Variants in BPIFC observed in about 807,000 individuals in gnomAD.
BPIFC encodes BPI fold-containing family C protein.
Under a neutral mutation model 57.6 loss-of-function variants are expected in BPIFC, and 60 were observed. That is an observed-to-expected ratio of 1.04 (90% CI 0.85 to 1.29). The LOEUF (loss-of-function observed/expected upper bound fraction) is 1.29. BPIFC is among the 50% of genes most tolerant of loss of function. The pLI, the probability that BPIFC is intolerant of heterozygous loss-of-function variation, is 0.00. For missense variants in BPIFC, 581 were observed against 600.5 expected (o/e 0.97, Z 0.34); for synonymous variants, 243 against 224.5 (o/e 1.08, Z -0.74).
intron 7 of BPIFC, among the ~76,000 whole-genome samples, chr22:32,443,168 T>C (rs2145946114): frequency 6.6e-6 from 1 of 151,114 alleles, no homozygotes; most frequent in East Asian, 1.9e-4. Flanking sequence ...GGAGCTTTTT[T>C]TTTTTTTTTT....
intron 13 of BPIFC, among the ~76,000 whole-genome samples, chr22:32,429,426 T>G (rs1200706392): frequency 1.3e-5 from 2 of 151,596 alleles, no homozygotes; most frequent in Non-Finnish European, 2.9e-5. Context: ...CAGGATGGTC[T>G]CGATCTCCTG....
Position 32,457,305 on chromosome 22 carries a change from G to A in BPIFC, c.82C>T (p.Pro28Ser). 4 of 1,607,526 alleles carry A rather than the reference G, an allele frequency of 2.5e-6. No homozygotes were observed. In the South Asian group the frequency reaches 4.4e-5, roughly 18 times the overall value. Residue 28 changes from proline (P) to serine (S), a missense_variant, in exon 3 of 17, where the codon CCT becomes TCT. Coordinates refer to ENST00000300399, the MANE Select transcript of BPIFC (RefSeq NM_174932.3). ...TGAGTAATCCTTGCCTTGATTCCAG[G>A]GTAAATGGTCTGAGAGGATGAGACA... ...LYVSSSQTIY[P>S]GIKARITQRA... is the part of the protein sequence containing the mutation.
At chr22:32,450,013 C>A (rs894134565) in intron 4 of BPIFC, among the ~76,000 whole-genome samples, 1 of 151,374 alleles carries the variant, frequency 6.6e-6, no homozygotes, top group African/African-American at 2.4e-5. Flanking sequence ...GGATTACAAG[C>A]GTGAGCCATC....
intron 8 of BPIFC, among the ~76,000 whole-genome samples, chr22:32,441,127 C>G (rs1377806136): frequency 6.6e-6 from 1 of 152,122 alleles, no homozygotes; most frequent in Non-Finnish European, 1.5e-5. Flanking sequence ...TCACAGCCTC[C>G]CCAGCACACT....
chr22:32,416,013 A>G (rs1322742383), intron 15 of BPIFC, 22 bp from the exon 16 acceptor site: 1 of 1,507,418 alleles, frequency 6.6e-7, no homozygotes, highest in African/African-American at 1.4e-5. Context: ...AACAAGACGT[A>G]AAACAATTGG....
chr22:32,447,228 AC>A lies in BPIFC; in HGVS notation c.357del (p.Phe120SerfsTer27). ...HGTANISTDWGFESPLFQDTG... is the reference protein window; with the variant it reads ...HGTANISTDWXFESPLFQDTG... ...AATACTCACAAAAGTGGAGACTCGA[AC>A]CCCCAGTCTGTGCTGATGTTGGCAG... On this transcript the variant is annotated frameshift_variant, in exon 5 of 17. Transcript: ENST00000300399. LOFTEE classifies it high-confidence loss of function. The A allele has an allele frequency of 6.2e-7, 1 of 1,605,026 alleles. No homozygotes were observed. Among genetic ancestry groups the A allele is most frequent in the Non-Finnish European group, 8.5e-7 (1 of 1,175,640 alleles).
intron 11 of BPIFC, among the ~76,000 whole-genome samples, 165 bp downstream of exon 11, chr22:32,433,549 TTAAAC>T (rs1934304929): frequency 6.6e-6 from 1 of 152,208 alleles, no homozygotes; most frequent in African/African-American, 2.4e-5. Context: ...TAATTGCACT[TTAAAC>T]TGTACTGTTC....
At position 32,430,575 on chromosome 22, in the gene BPIFC, C is replaced by T. The variant is rs1051289825; in HGVS notation, c.1217+772G>A. Among the ~76,000 whole-genome samples the T allele has an allele frequency of 3.4e-5, 5 of 146,938 alleles. No individual in the cohort carries two copies. In the East Asian group the frequency reaches 5.9e-4, roughly 17 times the overall value. ...TATAAATATAAAAATATATTTATTA[C>T]ATATGTAATATTTTATGTATTTAAT... is the stretch of plus-strand genomic sequence containing the variant. On this transcript the variant is annotated intron_variant, in intron 13 of 16. Coordinates refer to ENST00000300399, the MANE Select transcript of BPIFC (RefSeq NM_174932.3).
At chr22:32,431,439 A>ATTTATTTTTTTTTTTTTTTTT in intron 12 of BPIFC, 25 bp from the exon 13 acceptor site, 5 of 1,343,068 alleles carry the variant, frequency 3.7e-6, no homozygotes, top group South Asian at 1.2e-5. Context: ...AGCATTTATT[A>ATTTATTTTTTTTTTTTTTTTT]TTAAGACGAG....
intron 13 of BPIFC, among the ~76,000 whole-genome samples, chr22:32,423,452 C>G (rs1411449992): frequency 6.6e-6 from 1 of 152,022 alleles, no homozygotes; most frequent in Non-Finnish European, 1.5e-5. Flanking sequence ...ACTGACTTGT[C>G]CATCATTGGG....
At chr22:32,455,972 G>C (rs148946836) in intron 3 of BPIFC, among the ~76,000 whole-genome samples, 1 of 152,338 alleles carries the variant, frequency 6.6e-6, no homozygotes, top group South Asian at 2.1e-4. Flanking sequence ...CTCACACTAA[G>C]TGTAGGTAGG....
chr22:32,442,409 C>G (rs149095372), intron 8 of BPIFC, among the ~76,000 whole-genome samples: 1 of 152,084 alleles, frequency 6.6e-6, no homozygotes, highest in African/African-American at 2.4e-5. Context: ...GGTTCGTGCT[C>G]GTGAGGGTTT....
At chr22:32,463,287 G>A (rs1340505969) in intron 1 of BPIFC, among the ~76,000 whole-genome samples, 1 of 152,160 alleles carries the variant, frequency 6.6e-6, no homozygotes, top group East Asian at 1.9e-4. Context: ...GCTGACAAGT[G>A]CAGGCAGGGC....
intron 10 of BPIFC, 68 bp downstream of exon 10, chr22:32,435,636 T>C (rs1319149140): frequency 3.9e-5 from 58 of 1,497,490 alleles, no homozygotes; most frequent in Non-Finnish European, 5.1e-5. Flanking sequence ...ATAAAAGTTC[T>C]ACAATAGGAT....
intron 12 of BPIFC, 68 bp from the exon 13 acceptor site, chr22:32,431,482 C>A: frequency 9.1e-7 from 1 of 1,099,978 alleles, no homozygotes; most frequent in Non-Finnish European, 1.4e-6. Flanking sequence ...GTATAATTTC[C>A]AATAGTTGAA....
intron 10 of BPIFC, among the ~76,000 whole-genome samples, chr22:32,434,436 A>G (rs901617508): frequency 6.0e-5 from 9 of 149,228 alleles, no homozygotes; most frequent in Non-Finnish European, 1.2e-4. Flanking sequence ...ATCTATGTAT[A>G]CATATTATTT....
At chr22:32,447,165 C>A in intron 5 of BPIFC, 47 bp downstream of exon 5, 1 of 1,442,406 alleles carries the variant, frequency 6.9e-7, no homozygotes, top group Non-Finnish European at 9.2e-7. Context: ...TCCGTTTTTG[C>A]TCACATTCTC....
chr22:32,434,330 C>G (rs970775380), intron 10 of BPIFC, among the ~76,000 whole-genome samples: 8 of 147,502 alleles, frequency 5.4e-5, no homozygotes, highest in African/African-American at 2.0e-4. Context: ...ACTCTGTGTA[C>G]ATATTCTTCA....
chr22:32,455,249 C>T (rs1210927231), intron 3 of BPIFC, among the ~76,000 whole-genome samples: 1 of 151,896 alleles, frequency 6.6e-6, no homozygotes, highest in Non-Finnish European at 1.5e-5. Context: ...TCGGGTTTCA[C>T]CATGTTGACC....
Sources: allele counts gnomAD v4.1 joint callset (sites outside exome capture counted in the v4.1 genomes callset), GRCh38; gene constraint gnomAD v4.1.1; transcripts MANE v1.5; gene names NCBI Gene and HGNC (gene_info 2026-07-23, HGNC 2026-07-21).